The following FBXO15 variants were observed in gnomAD, a reference collection of about 807,000 sequenced individuals.
The protein encoded by FBXO15 is F-box only protein 15.
In FBXO15, 30 loss-of-function variants were observed where a neutral mutation model predicts 49.5. The observed-to-expected ratio is 0.61, with a 90% CI of 0.45 to 0.82. The LOEUF (loss-of-function observed/expected upper bound fraction) is 0.82, where lower values mean the gene tolerates loss of function less well. Among genes scored for constraint, FBXO15 ranks in the 40% least tolerant of loss-of-function variants. The pLI is 0.00. For missense variants in FBXO15, 591 were observed against 631.5 expected (o/e 0.94, Z 0.69); for synonymous variants, 250 against 232.7 (o/e 1.07, Z -0.68).
intron 5 of FBXO15, among the ~76,000 whole-genome samples, 199 bp downstream of exon 5, chr18:74,129,206 T>A (rs773017476): frequency 6.6e-6 from 1 of 152,210 alleles, no homozygotes; most frequent in Non-Finnish European, 1.5e-5. Flanking sequence ...AACCCCAAGA[T>A]ACGAGGAAGT....
intron 9 of FBXO15, among the ~76,000 whole-genome samples, chr18:74,077,551 C>T (rs1912304854): frequency 6.6e-6 from 1 of 152,212 alleles, no homozygotes; most frequent in South Asian, 2.1e-4. Flanking sequence ...CCCACACAGC[C>T]TGTTCCACAG....
intron 8 of FBXO15, among the ~76,000 whole-genome samples, chr18:74,093,343 C>T (rs1913139230): frequency 6.6e-6 from 1 of 151,670 alleles, no homozygotes; most frequent in African/African-American, 2.4e-5. Flanking sequence ...ATGCATGTGG[C>T]TGGTGCGTGT....
At chr18:74,079,098 T>C (rs141407331) in intron 9 of FBXO15, among the ~76,000 whole-genome samples, 1 of 152,232 alleles carries the variant, frequency 6.6e-6, no homozygotes, top group East Asian at 1.9e-4. Flanking sequence ...TAAAAATTGA[T>C]GCCAATCTCC....
intron 1 of FBXO15, among the ~76,000 whole-genome samples, chr18:74,142,790 T>A (rs1314773364): frequency 6.6e-6 from 1 of 152,202 alleles, no homozygotes; most frequent in Non-Finnish European, 1.5e-5. Flanking sequence ...CAGAAGGACA[T>A]AAATAACTTT....
At chr18:74,092,072 T>A (rs1301709345) in intron 8 of FBXO15, among the ~76,000 whole-genome samples, 1 of 152,188 alleles carries the variant, frequency 6.6e-6, no homozygotes, top group Non-Finnish European at 1.5e-5. Context: ...ATTTTTTTCA[T>A]TCTTCTTGTT....
chr18:74,129,478 A>T lies in FBXO15; in HGVS notation c.712T>A (p.Ser238Thr), dbSNP rs751482531. 8.7e-6 allele frequency: 14 copies of T among 1,613,902 alleles called. No individual in the cohort carries two copies. The Admixed American group carries it at 2.3e-4, about 27-fold the overall frequency. The change falls in exon 5 of 10, where the codon TCA becomes ACA. Residue 238 changes from serine to threonine, a missense_variant. Physicochemically the swap from Ser to Thr is moderately conservative, Grantham distance 58. Transcript: ENST00000419743. ...WYGKKWPCLASLSTLDLCGMT... is the reference protein window; with the variant it reads ...WYGKKWPCLATLSTLDLCGMT... ...CCACATAAATCTAAGGTTGACAATG[A>T]TGCTAGGCATGGCCATTTTTTGCCA...
intron 8 of FBXO15, among the ~76,000 whole-genome samples, chr18:74,107,741 C>A (rs1913833626): frequency 6.6e-6 from 1 of 152,134 alleles, no homozygotes; most frequent in Non-Finnish European, 1.5e-5. Flanking sequence ...CTGGTTCTCA[C>A]AGTGAGTATC....
chr18:74,141,113 G>GT (rs903042156), intron 1 of FBXO15, among the ~76,000 whole-genome samples: 4 of 152,136 alleles, frequency 2.6e-5, no homozygotes, highest in South Asian at 2.1e-4. Flanking sequence ...AGAATGAATG[G>GT]TTTTTTAGAT....
intron 8 of FBXO15, chr18:74,098,516 C>T (rs1177056179): frequency 6.6e-6 from 1 of 152,130 alleles, no homozygotes; most frequent in Non-Finnish European, 1.5e-5. Context: ...GAAGAAAGAA[C>T]TTCAGAGCTC....
chr18:74,142,071 G>GA (rs200073962), intron 1 of FBXO15, among the ~76,000 whole-genome samples: 14 of 150,952 alleles, frequency 9.3e-5, no homozygotes, highest in East Asian at 5.8e-4. Flanking sequence ...ATGCACCGAG[G>GA]AAAAAAAAAT....
In FBXO15 at chr18:74,147,439, C is replaced by G. The variant is rs557690048; in HGVS notation, c.116+231G>C. 1.1e-3 allele frequency: 1,322 copies of G among 1,159,722 alleles called. 13 individuals are homozygous for G. In the African/African-American group the frequency reaches 0.02, roughly 17 times the overall value. The allele number at this position is 1,159,722 out of a possible 1,614,324, so 71.8% of individuals were successfully genotyped here. A position where few individuals can be genotyped will look rare whatever the true frequency, so the allele number is the denominator to read the frequency against. Reference sequence around the variant, plus strand: ...CGCGCATCCCCGGCCACAGGCGCCGCAAGAAAAAATATTTCCCCGAGAGGC... The same window carrying G: ...CGCGCATCCCCGGCCACAGGCGCCGGAAGAAAAAATATTTCCCCGAGAGGC... On this transcript the variant is annotated intron_variant, in intron 1 of 9. Coordinates refer to ENST00000419743, the MANE Select transcript of FBXO15 (RefSeq NM_001142958.2).
At chr18:74,086,509 A>G (rs1312470104) in intron 8 of FBXO15, among the ~76,000 whole-genome samples, 1 of 152,148 alleles carries the variant, frequency 6.6e-6, no homozygotes, top group African/African-American at 2.4e-5. Flanking sequence ...ACTCACTGCA[A>G]GCTCTGCCTC....
chr18:74,141,212 A>G (rs1979054076), intron 1 of FBXO15, among the ~76,000 whole-genome samples: 2 of 152,256 alleles, frequency 1.3e-5, no homozygotes, highest in South Asian at 2.1e-4. Flanking sequence ...CCTCAAAACC[A>G]GTAGTACTCA....
In FBXO15 at chr18:74,123,510, G is replaced by A; in HGVS notation, c.996C>T (p.Ile332=). 1 of 1,587,300 alleles carries A rather than the reference G, an allele frequency of 6.3e-7. No individual in the cohort carries two copies. Among genetic ancestry groups the A allele is most frequent in the Non-Finnish European group, 8.5e-7 (1 of 1,173,086 alleles). ...GGCTATGTGGAGGCAGTTCATAGGG[G>A]CTGAAAAGCAAAACAAAAGAAACAT... ...VERSTLGSAT[I]PYELPPHSPF... The change falls in exon 8 of 10, where the codon ATC becomes ATT. Residue 332 remains isoleucine (I), a splice_region_variant and synonymous_variant. Coordinates refer to ENST00000419743, the MANE Select transcript of FBXO15 (RefSeq NM_001142958.2).
intron 1 of FBXO15, chr18:74,140,672 A>C: frequency 4.5e-6 from 1 of 223,590 alleles, no homozygotes. Flanking sequence ...AGGGAGGAAG[A>C]GGCAGTGAAA....
intron 3 of FBXO15, among the ~76,000 whole-genome samples, chr18:74,132,041 T>C (rs1978424502): frequency 6.7e-6 from 1 of 148,356 alleles, no homozygotes. Flanking sequence ...TTGAATTCTC[T>C]TCCTAGTGTG....
intron 1 of FBXO15, among the ~76,000 whole-genome samples, chr18:74,142,051 A>G (rs1240799462): frequency 6.6e-6 from 1 of 152,182 alleles, no homozygotes; most frequent in Non-Finnish European, 1.5e-5. Flanking sequence ...CAGATCCTGT[A>G]AGAGTAAAAA....
chr18:74,083,588 A>T (rs1481502086), intron 8 of FBXO15, among the ~76,000 whole-genome samples: 1 of 152,206 alleles, frequency 6.6e-6, no homozygotes, highest in Non-Finnish European at 1.5e-5. Flanking sequence ...CACTCCAAAT[A>T]CAGCAGCCAA....
At chr18:74,123,146 C>T in intron 8 of FBXO15, 1 of 448,368 alleles carries the variant, frequency 2.2e-6, no homozygotes, top group Non-Finnish European at 3.9e-6. Context: ...CAGAAGGTGG[C>T]ATTGAGAGTG....
Sources: allele counts gnomAD v4.1 joint callset (sites outside exome capture counted in the v4.1 genomes callset), GRCh38; gene constraint gnomAD v4.1.1; transcripts MANE v1.5; gene names NCBI Gene and HGNC (gene_info 2026-07-23, HGNC 2026-07-21).